The following KCNQ3 variants were observed in gnomAD, a reference collection of about 807,000 sequenced individuals.
KCNQ3 encodes potassium voltage-gated channel subfamily Q member 3, also known as potassium voltage-gated channel subfamily KQT member 3.
In KCNQ3, 30 loss-of-function variants were observed where a neutral mutation model predicts 92.5. That is an observed-to-expected ratio of 0.32 (90% CI 0.24 to 0.44). The LOEUF is 0.44. Among genes scored for constraint, KCNQ3 ranks in the 20% least tolerant of loss-of-function variants. The pLI is 1.00. For synonymous variants in KCNQ3, 450 were observed against 468.8 expected, an observed-to-expected ratio of 0.96 and a Z score of 0.52; for missense variants, 913 against 1,140.3, an observed-to-expected ratio of 0.80 and a Z score of 2.87.
intron 8 of KCNQ3, among the ~76,000 whole-genome samples, chr8:132,165,332 T>C (rs1826113767): frequency 6.6e-6 from 1 of 152,226 alleles, no homozygotes; most frequent in African/African-American, 2.4e-5. Flanking sequence ...AGTTAACTGT[T>C]AGATCCCCAA....
At chr8:132,134,551 TGAG>T (rs1475621225) in intron 12 of KCNQ3, among the ~76,000 whole-genome samples, 163 bp from the exon 13 acceptor site, 2 of 142,384 alleles carry the variant, frequency 1.4e-5, no homozygotes, top group Non-Finnish European at 3.1e-5. Flanking sequence ...AGAGGAGAAG[TGAG>T]GAGAGGAGAG....
chr8:132,144,443 G>A (rs1189389037), intron 9 of KCNQ3, among the ~76,000 whole-genome samples: 1 of 152,176 alleles, frequency 6.6e-6, no homozygotes, highest in Non-Finnish European at 1.5e-5. Context: ...GCATAATTAA[G>A]GTGTTGTTCT....
intron 1 of KCNQ3, among the ~76,000 whole-genome samples, chr8:132,336,848 C>T (rs1478936798): frequency 2.0e-5 from 3 of 152,204 alleles, no homozygotes; most frequent in Non-Finnish European, 4.4e-5. Context: ...CAATAATTCA[C>T]AGGCCCTCTT....
chr8:132,282,167 T>C (rs910099520), intron 1 of KCNQ3, among the ~76,000 whole-genome samples: 3 of 152,170 alleles, frequency 2.0e-5, no homozygotes, highest in Admixed American at 6.5e-5. Flanking sequence ...GAACTGGTTT[T>C]ATCTTCCAGA....
intron 1 of KCNQ3, among the ~76,000 whole-genome samples, chr8:132,292,897 C>T (rs1316533199): frequency 6.6e-6 from 1 of 152,186 alleles, no homozygotes; most frequent in Non-Finnish European, 1.5e-5. Flanking sequence ...GGAAGGAATG[C>T]TAAACAGAGA....
chr8:132,162,902 A>G lies in KCNQ3; in HGVS notation c.1262+566T>C, dbSNP rs1485119198. On this transcript the variant is annotated intron_variant, in intron 9 of 14. Coordinates refer to ENST00000388996, the MANE Select transcript of KCNQ3 (RefSeq NM_004519.4). ...GATTGATTGTGAGGACTCACAAATG[A>G]TTGGTCAATAATAATCGTTTAAAAA... 2.0e-5 allele frequency among the ~76,000 whole-genome samples: 3 copies of G among 152,158 alleles called. No individual in the cohort carries two copies. The South Asian group carries it at 6.2e-4, about 32-fold the overall frequency.
intron 1 of KCNQ3, among the ~76,000 whole-genome samples, chr8:132,421,559 G>A (rs1022596003): frequency 2.6e-5 from 4 of 152,192 alleles, no homozygotes; most frequent in African/African-American, 7.2e-5. Flanking sequence ...GGAACAAAAT[G>A]GGGGATTCAC....
At chr8:132,213,712 T>C (rs979384820) in intron 1 of KCNQ3, among the ~76,000 whole-genome samples, 8 of 152,284 alleles carry the variant, frequency 5.3e-5, no homozygotes, top group Non-Finnish European at 8.8e-5. Context: ...GCCATCACTT[T>C]AGTAAGGTAT....
chr8:132,186,933 T>TGTGA (rs1367691058), intron 1 of KCNQ3, among the ~76,000 whole-genome samples: 89 of 106,550 alleles, frequency 8.4e-4, no homozygotes, highest in Non-Finnish European at 1.3e-3. Flanking sequence ...TGTGTGTGTG[T>TGTGA]GAGAGAGAGA....
rs145131649 is a variant in KCNQ3, at chr8:132,440,950, G to A, written c.386+39197C>T. Among the ~76,000 whole-genome samples the A allele has an allele frequency of 3.1e-3, 479 of 152,336 alleles. 2 individuals carry two copies. The highest frequency in any genetic ancestry group is 0.011 in the African/African-American group (443 of 41,598). ...GAAATCAGAACTCTGCTTCTCACCT[G>A]TTAAGGTTTAGGGCCTGCCAGATAT... On this transcript the variant is annotated intron_variant, in intron 1 of 14. Transcript: ENST00000388996.
At chr8:132,176,210 T>A (rs561239873) in intron 4 of KCNQ3, among the ~76,000 whole-genome samples, 1 of 152,216 alleles carries the variant, frequency 6.6e-6, no homozygotes, top group Non-Finnish European at 1.5e-5. Flanking sequence ...AAAGAAGGTA[T>A]CAAGCCTGTA....
chr8:132,337,215 G>A (rs1235275527), intron 1 of KCNQ3, among the ~76,000 whole-genome samples: 7 of 152,202 alleles, frequency 4.6e-5, no homozygotes, highest in South Asian at 2.1e-4. Context: ...TGAGCATGGC[G>A]GCTCATGCCT....
At chr8:132,145,011 G>A (rs986060329) in intron 9 of KCNQ3, among the ~76,000 whole-genome samples, 1 of 152,178 alleles carries the variant, frequency 6.6e-6, no homozygotes, top group African/African-American at 2.4e-5. Flanking sequence ...CCCCCAGCCA[G>A]GGCACATTTG....
intron 13 of KCNQ3, among the ~76,000 whole-genome samples, chr8:132,132,523 C>T (rs1051327267): frequency 1.3e-5 from 2 of 152,244 alleles, no homozygotes; most frequent in Non-Finnish European, 2.9e-5. Context: ...ATTAAGGAGG[C>T]TTTGCTTTGT....
chr8:132,373,776 T>C (rs1345170488), intron 1 of KCNQ3, among the ~76,000 whole-genome samples: 1 of 152,160 alleles, frequency 6.6e-6, no homozygotes, highest in African/African-American at 2.4e-5. Context: ...GCCGAACGAC[T>C]ACAAGGAGAC....
intron 1 of KCNQ3, among the ~76,000 whole-genome samples, chr8:132,195,894 C>T (rs1453728044): frequency 6.6e-6 from 1 of 152,068 alleles, no homozygotes; most frequent in Non-Finnish European, 1.5e-5. Context: ...AAATGGACTT[C>T]AAGACAAAAA....
chr8:132,196,279 G>A (rs1827295152), intron 1 of KCNQ3, among the ~76,000 whole-genome samples: 3 of 152,218 alleles, frequency 2.0e-5, no homozygotes, highest in Non-Finnish European at 2.9e-5. Context: ...TATATGCCAA[G>A]AGTTAGGAAC....
intron 1 of KCNQ3, among the ~76,000 whole-genome samples, chr8:132,266,226 G>A (rs1815976844): frequency 6.6e-6 from 1 of 152,142 alleles, no homozygotes; most frequent in Non-Finnish European, 1.5e-5. Flanking sequence ...GATTTCTCAG[G>A]ATATGTTATT....
intron 4 of KCNQ3, among the ~76,000 whole-genome samples, chr8:132,179,641 A>G (rs1233974904): frequency 6.6e-6 from 1 of 152,178 alleles, no homozygotes; most frequent in Non-Finnish European, 1.5e-5. Flanking sequence ...AATTCATTTC[A>G]TCTTCATCTA....
Sources: allele counts gnomAD v4.1 joint callset (sites outside exome capture counted in the v4.1 genomes callset), GRCh38; gene constraint gnomAD v4.1.1; transcripts MANE v1.5; gene names NCBI Gene and HGNC (gene_info 2026-07-23, HGNC 2026-07-21).